ABCA8: variants seen among roughly 807,000 people sequenced by gnomAD.
ABCA8 encodes the protein ATP binding cassette subfamily A member 8, also known as ABC-type organic anion transporter ABCA8.
In ABCA8, 177 loss-of-function variants were observed where a neutral mutation model predicts 192.3. That is an observed-to-expected ratio of 0.92 (90% CI 0.81 to 1.04). The LOEUF is 1.04. Ranked by LOEUF, ABCA8 falls within the 50% of genes least tolerant of loss-of-function variation. The probability of loss-of-function intolerance (pLI) is 0.00; values close to 1 mark genes in which losing one functional copy is unlikely to be tolerated. For synonymous variants in ABCA8, 642 were observed against 690.2 expected (o/e 0.93, Z 1.09); for missense variants, 1,915 against 1,904.8 (o/e 1.01, Z -0.10).
chr17:68,946,091 G>A (rs959080989), intron 2 of ABCA8, among the ~76,000 whole-genome samples: 1 of 150,804 alleles, frequency 6.6e-6, no homozygotes, highest in Non-Finnish European at 1.5e-5. Context: ...TTTTTGAGAT[G>A]GAGTCTCACT....
intron 5 of ABCA8, 71 bp downstream of exon 5, chr17:68,936,880 C>T (rs1173601510): frequency 2.9e-6 from 4 of 1,356,596 alleles, no homozygotes; most frequent in South Asian, 1.6e-5. Flanking sequence ...GCATACTAAC[C>T]TCTATTCCCA....
At chr17:68,894,450 G>A in intron 22 of ABCA8, 140 bp from the exon 23 acceptor site, 1 of 717,590 alleles carries the variant, frequency 1.4e-6, no homozygotes, top group Non-Finnish European at 2.2e-6. Context: ...CAAACACTGT[G>A]TAAGTAAAAT....
At chr17:68,918,633 G>T in intron 14 of ABCA8, 87 bp from the exon 15 acceptor site, 1 of 1,327,926 alleles carries the variant, frequency 7.5e-7, no homozygotes, top group South Asian at 1.6e-5. Flanking sequence ...AGTGTAAATG[G>T]TTAAAAGCAC....
At chr17:68,883,149 G>A (rs2066374277) in intron 29 of ABCA8, among the ~76,000 whole-genome samples, 1 of 152,096 alleles carries the variant, frequency 6.6e-6, no homozygotes, top group Non-Finnish European at 1.5e-5. Flanking sequence ...ATAATATCCA[G>A]GATATACTTA....
intron 32 of ABCA8, 166 bp downstream of exon 32, chr17:68,880,953 AG>A (rs2066322292): frequency 1.6e-6 from 1 of 631,038 alleles, no homozygotes; most frequent in South Asian, 1.9e-5. Flanking sequence ...TTCAGTGCTT[AG>A]CTTTTGTGTG....
chr17:68,943,347 A>G (rs1370604332), intron 2 of ABCA8, among the ~76,000 whole-genome samples: 1 of 152,220 alleles, frequency 6.6e-6, no homozygotes, highest in Non-Finnish European at 1.5e-5. Flanking sequence ...TTCCATATAT[A>G]TGATCTCCGT....
At chr17:68,891,912 A>C (rs911859224) in intron 23 of ABCA8, among the ~76,000 whole-genome samples, 4 of 152,196 alleles carry the variant, frequency 2.6e-5, no homozygotes, top group Non-Finnish European at 5.9e-5. Context: ...TTCACAGTTG[A>C]TACATTCAAT....
chr17:68,902,832 G>C lies in ABCA8; in HGVS notation c.2645C>G (p.Thr882Ser). Residue 882 changes from threonine (T) to serine (S), a missense_variant, in exon 21 of 40, where the codon ACC becomes AGC. By Grantham distance (58) the Thr-to-Ser change is moderately conservative. Coordinates refer to ENST00000586539, the MANE Select transcript of ABCA8 (RefSeq NM_001288985.2). ...ACTGTTTTGATATATTTTCACCATG[G>C]TATACTCCACAAGAAGAGGGCAAAA... ...AGFCPLLVEY[T>S]MVKIYQNSYT... 2.5e-6 allele frequency: 4 copies of C among 1,613,714 alleles called. No homozygotes were observed. The highest frequency in any genetic ancestry group is 3.4e-6 in the Non-Finnish European group (4 of 1,179,828).
intron 16 of ABCA8, 34 bp downstream of exon 16, chr17:68,918,013 C>T (rs1397699171): frequency 4.3e-6 from 7 of 1,609,936 alleles, no homozygotes; most frequent in East Asian, 4.5e-5. Flanking sequence ...TCTTAAAGTC[C>T]TCCTCAGGAT....
At chr17:68,954,780 T>C (rs2068668282) in intron 1 of ABCA8, among the ~76,000 whole-genome samples, 1 of 152,124 alleles carries the variant, frequency 6.6e-6, no homozygotes, top group African/African-American at 2.4e-5. Flanking sequence ...GTGCTCTTGG[T>C]AAACAGTCTT....
intron 20 of ABCA8, 43 bp downstream of exon 20, chr17:68,903,258 G>T (rs762462824): frequency 6.3e-7 from 1 of 1,592,580 alleles, no homozygotes; most frequent in Admixed American, 1.7e-5. Context: ...GCTTTTTAAC[G>T]CATTGACTTA....
rs575607175 is a variant in ABCA8, at chr17:68,913,315, A to C, written c.2138+4046T>G. Among the ~76,000 whole-genome samples the C allele has an allele frequency of 5.3e-5, 8 of 152,192 alleles. No homozygotes were observed. In the South Asian group the frequency reaches 1.7e-3, roughly 32 times the overall value. ...AAAAAGAGAAAAACTTCAAACAAAC[A>C]ACCTAACGACACTTCTTAAAAACTA... On this transcript the variant is annotated intron_variant, in intron 17 of 39. Coordinates refer to ENST00000586539, the MANE Select transcript of ABCA8 (RefSeq NM_001288985.2).
At chr17:68,929,528 G>T (rs754155423) in intron 8 of ABCA8, 33 bp downstream of exon 8, 3 of 1,597,988 alleles carry the variant, frequency 1.9e-6, no homozygotes, top group East Asian at 4.5e-5. Flanking sequence ...TAGGCTATAG[G>T]TGGATGGAAA....
chr17:68,907,265 A>G (rs1276808940), intron 18 of ABCA8, among the ~76,000 whole-genome samples: 2 of 152,138 alleles, frequency 1.3e-5, no homozygotes, highest in South Asian at 2.1e-4. Context: ...AATTGTTTCA[A>G]CCACTAATGT....
rs775393836 is a variant in ABCA8, at chr17:68,929,038, T to C, written c.1125+11A>G. On this transcript the variant is annotated intron_variant, in intron 9 of 39. Coordinates refer to ENST00000586539, the MANE Select transcript of ABCA8 (RefSeq NM_001288985.2). ...GAAATGCCATTAATAGACATTCAGATGGCATCTCACCTGGGCCATTCCAAG... is the reference window on the plus strand; with the variant it reads ...GAAATGCCATTAATAGACATTCAGACGGCATCTCACCTGGGCCATTCCAAG... The C allele has an allele frequency of 1.4e-6, 2 of 1,472,340 alleles. No individual in the cohort carries two copies. The highest frequency in any genetic ancestry group is 4.9e-5 in the East Asian group (2 of 41,090). 91.2% of individuals were successfully genotyped at this position (1,472,340 alleles called of 1,614,324 possible). A position where few individuals can be genotyped will look rare whatever the true frequency, so the allele number is the denominator to read the frequency against.
chr17:68,954,217 T>A (rs1199617611), intron 1 of ABCA8, among the ~76,000 whole-genome samples: 1 of 109,938 alleles, frequency 9.1e-6, no homozygotes, highest in East Asian at 3.0e-4. Context: ...CCCCAGAGTG[T>A]GATGTTTCCC....
rs779792677 is a variant in ABCA8 at position 68,932,410 on chromosome 17, G to T, written c.675C>A (p.Tyr225Ter). 6.2e-7 allele frequency: 1 copy of T among 1,613,822 alleles called. No individual in the cohort carries two copies. Among genetic ancestry groups the T allele is most frequent in the South Asian group, 1.1e-5 (1 of 91,068 alleles). Residue 225 changes from tyrosine to a stop codon, truncating the protein, a stop_gained, in exon 7 of 40, where the codon TAC becomes TAA. Transcript: ENST00000586539. LOFTEE classifies it high-confidence loss of function. ...AAAATGAAATAATGCAGGAAAAAAGGTACAAATCAGTTATAACTCCTGATT... is the reference window on the plus strand; with the variant it reads ...AAAATGAAATAATGCAGGAAAAAAGTTACAAATCAGTTATAACTCCTGATT... ...IGQSGVITDL[Y>*]LFSCIISFSS...
intron 35 of ABCA8, among the ~76,000 whole-genome samples, chr17:68,875,965 G>C (rs1463148323): frequency 6.6e-6 from 1 of 152,148 alleles, no homozygotes; most frequent in Non-Finnish European, 1.5e-5. Context: ...ATTCATTATA[G>C]GGTTGTGTTC....
chr17:68,932,582 C>T (rs1363029885), intron 6 of ABCA8, 68 bp from the exon 7 acceptor site: 1 of 1,178,564 alleles, frequency 8.5e-7, no homozygotes, highest in Non-Finnish European at 1.2e-6. Context: ...TTTTAACCAT[C>T]TATTTTCTTG....
Sources: gnomAD v4.1 joint callset for allele counts (sites outside exome capture counted in the v4.1 genomes callset) on GRCh38, gnomAD v4.1.1 for gene constraint, MANE v1.5 for transcripts, NCBI Gene and HGNC (gene_info 2026-07-23, HGNC 2026-07-21) for gene names.